Variants in TMCO4 observed in about 807,000 individuals in gnomAD.
The protein encoded by TMCO4 is transmembrane and coiled-coil domains 4.
A neutral mutation model predicts 64.7 loss-of-function variants in TMCO4; 58 were observed. That is an observed-to-expected ratio of 0.90 (90% CI 0.73 to 1.12). TMCO4 has a LOEUF of 1.12. Ranked by LOEUF, TMCO4 falls within the 50% of genes most tolerant of loss-of-function variation. The pLI, the probability that TMCO4 is intolerant of heterozygous loss-of-function variation, is 0.00. For missense variants in TMCO4, 780 were observed against 825.9 expected (o/e 0.94, Z 0.68); for synonymous variants, 325 against 346.1 (o/e 0.94, Z 0.68).
At chr1:19,716,354 C>T (rs926073222) in intron 13 of TMCO4, among the ~76,000 whole-genome samples, 9 of 146,024 alleles carry the variant, frequency 6.2e-5, no homozygotes, top group East Asian at 2.0e-4. Flanking sequence ...CCACTACGCC[C>T]GGCTATTTTT....
chr1:19,771,406 C>T lies in TMCO4; in HGVS notation c.256G>A (p.Ala86Thr). The T allele has an allele frequency of 1.2e-6, 2 of 1,614,214 alleles. No homozygotes were observed. Among genetic ancestry groups the T allele is most frequent in the Non-Finnish European group, 1.7e-6 (2 of 1,180,044 alleles). Residue 86 changes from alanine (A) to threonine (T), a missense_variant, in exon 5 of 16, where the codon GCT becomes ACT. Transcript: ENST00000294543. ...TCACCTCCCAGGCCGCTCGCAAAAG[C>T]AGTCATGGTTGGCAAGACAGCTTCA... ...LSEAVLPTMT[A>T]FASGLGGEGA...
intron 6 of TMCO4, among the ~76,000 whole-genome samples, chr1:19,758,268 G>C (rs552771463): frequency 1.3e-5 from 2 of 151,780 alleles, no homozygotes; most frequent in Admixed American, 6.6e-5. Flanking sequence ...AGCTGTCTAC[G>C]TGCTGGGGAC....
chr1:19,693,340 G>A (rs993182056), intron 15 of TMCO4, among the ~76,000 whole-genome samples: 12 of 151,836 alleles, frequency 7.9e-5, no homozygotes, highest in African/African-American at 1.7e-4. Flanking sequence ...AAAATTAGCC[G>A]GGCATAGTGG....
intron 14 of TMCO4, among the ~76,000 whole-genome samples, chr1:19,700,483 G>A (rs575276091): frequency 1.3e-4 from 20 of 152,210 alleles, no homozygotes; most frequent in Admixed American, 9.8e-4. Flanking sequence ...GCTCCAACCA[G>A]GCCAAGCCGC....
At chr1:19,737,572 A>C in intron 12 of TMCO4, 116 bp from the exon 13 acceptor site, 1 of 868,656 alleles carries the variant, frequency 1.2e-6, no homozygotes, top group Non-Finnish European at 1.8e-6. Context: ...CATCTAATGA[A>C]TCATGCATGT....
At chr1:19,787,811 A>G (rs1168263456) in intron 2 of TMCO4, among the ~76,000 whole-genome samples, 1 of 152,028 alleles carries the variant, frequency 6.6e-6, no homozygotes, top group Admixed American at 6.5e-5. Context: ...GCTGGAGTGC[A>G]GTGGTGCAAT....
chr1:19,755,681 T>C lies in TMCO4; in HGVS notation c.468A>G (p.Glu156=). 1 of 1,614,156 alleles carries C rather than the reference T, an allele frequency of 6.2e-7. No individual in the cohort carries two copies. The highest frequency in any genetic ancestry group is 8.5e-7 in the Non-Finnish European group (1 of 1,180,020). ...CCTTCAGGCTCTCCAGGAACATCTC[T>C]TCAAGGACATCCAGCTCCTCCAAGG... ...QVPLEELDVL[E]EMFLESLKEI... is the part of the protein sequence containing the mutation. The change falls in exon 7 of 16, where the codon GAA becomes GAG. Residue 156 remains glutamate (E), a synonymous_variant. Coordinates refer to ENST00000294543, the MANE Select transcript of TMCO4 (RefSeq NM_181719.7).
chr1:19,780,810 C>G (rs747097754), intron 3 of TMCO4, 44 bp from the exon 4 acceptor site: 1 of 1,472,066 alleles, frequency 6.8e-7, no homozygotes, highest in Admixed American at 2.6e-5. Flanking sequence ...CAGAGGTAAG[C>G]CAAGGTTACT....
At chr1:19,773,232 C>G (rs1374965402) in intron 4 of TMCO4, among the ~76,000 whole-genome samples, 1 of 152,068 alleles carries the variant, frequency 6.6e-6, no homozygotes, top group Non-Finnish European at 1.5e-5. Flanking sequence ...CCCGGCCTCA[C>G]CACTGTTACG....
intron 4 of TMCO4, among the ~76,000 whole-genome samples, 153 bp downstream of exon 4, chr1:19,780,427 A>G (rs774886444): frequency 6.6e-6 from 1 of 152,202 alleles, no homozygotes; most frequent in Non-Finnish European, 1.5e-5. Context: ...GTACTGGTCC[A>G]CGGCCTGGAG....
intron 15 of TMCO4, among the ~76,000 whole-genome samples, chr1:19,687,641 A>G (rs1207763563): frequency 6.6e-6 from 1 of 152,182 alleles, no homozygotes; most frequent in Non-Finnish European, 1.5e-5. Flanking sequence ...AGCCAGCAGA[A>G]ACTTCAGACC....
At chr1:19,702,056 G>A (rs947488211) in intron 13 of TMCO4, among the ~76,000 whole-genome samples, 9 of 151,970 alleles carry the variant, frequency 5.9e-5, no homozygotes, top group African/African-American at 9.7e-5. Flanking sequence ...TGCAAGCTCC[G>A]CCTCCTGGGT....
intron 6 of TMCO4, among the ~76,000 whole-genome samples, chr1:19,761,841 G>GTC (rs1409353231): frequency 6.6e-6 from 1 of 152,226 alleles, no homozygotes. Flanking sequence ...GTCTGAGATA[G>GTC]TCTGGATGTG....
At position 19,683,133 on chromosome 1, in the gene TMCO4, C is replaced by A. The variant is rs768819591; in HGVS notation, c.1812G>T (p.Arg604Ser). Residue 604 changes from arginine to serine, a missense_variant, in exon 16 of 16, where the codon AGG (arginine) becomes AGT (serine). By Grantham distance (110) the Arg-to-Ser change is moderately radical. Transcript: ENST00000294543. ...ASLPAAASPE[R>S]PPICSHGMDP... ...CCATGCCATGGCTGCAGATGGGGGGCCTTTCAGGGCTGGCAGCAGCAGGAA... is the reference window on the plus strand; with the variant it reads ...CCATGCCATGGCTGCAGATGGGGGGACTTTCAGGGCTGGCAGCAGCAGGAA... The A allele has an allele frequency of 6.8e-6, 11 of 1,613,578 alleles. No individual in the cohort carries two copies. Among genetic ancestry groups the A allele is most frequent in the Non-Finnish European group, 9.3e-6 (11 of 1,179,820 alleles).
chr1:19,690,507 T>A (rs2100547291), intron 15 of TMCO4, among the ~76,000 whole-genome samples: 1 of 152,340 alleles, frequency 6.6e-6, no homozygotes, highest in South Asian at 2.1e-4. Flanking sequence ...TGCTCTTGTG[T>A]CGGTGTTTGG....
At chr1:19,731,122 T>C (rs138146788) in intron 13 of TMCO4, among the ~76,000 whole-genome samples, 128 of 152,136 alleles carry the variant, frequency 8.4e-4, no homozygotes, top group African/African-American at 2.9e-3. Context: ...AGATGCCCCA[T>C]TGGTAATACA....
At chr1:19,753,881 A>T (rs2042129929) in intron 7 of TMCO4, among the ~76,000 whole-genome samples, 2 of 152,164 alleles carry the variant, frequency 1.3e-5, no homozygotes, top group South Asian at 4.1e-4. Context: ...AGACTACAAT[A>T]GGGTCTATAA....
chr1:19,771,504 G>T (rs771677030), intron 4 of TMCO4, 22 bp from the exon 5 acceptor site: 1 of 1,610,338 alleles, frequency 6.2e-7, no homozygotes, highest in African/African-American at 1.3e-5. Context: ...ACATGGCTTA[G>T]TTCTCCAGGA....
At chr1:19,784,537 A>T (rs1051059115) in intron 3 of TMCO4, among the ~76,000 whole-genome samples, 1 of 152,046 alleles carries the variant, frequency 6.6e-6, no homozygotes, top group Non-Finnish European at 1.5e-5. Flanking sequence ...CCATCTAACA[A>T]AATAATAATA....
Sources: gnomAD v4.1 joint callset for allele counts (sites outside exome capture counted in the v4.1 genomes callset) on GRCh38, gnomAD v4.1.1 for gene constraint, MANE v1.5 for transcripts, NCBI Gene and HGNC (gene_info 2026-07-23, HGNC 2026-07-21) for gene names.